The following MICAL3 variants were observed in gnomAD, a reference collection of about 807,000 sequenced individuals.
The protein encoded by MICAL3 is microtubule associated monooxygenase, calponin and LIM domain containing 3.
In MICAL3, 62 loss-of-function variants were observed where a neutral mutation model predicts 207.4. That is an observed-to-expected ratio of 0.30 (90% CI 0.24 to 0.37). MICAL3 has a LOEUF of 0.37. Among genes scored for constraint, MICAL3 ranks in the 10% least tolerant of loss-of-function variants. The probability of loss-of-function intolerance (pLI) is 1.00; values close to 1 mark genes in which losing one functional copy is unlikely to be tolerated. For synonymous variants in MICAL3, 1,077 were observed against 1,069.3 expected (o/e 1.01, Z -0.14); for missense variants, 2,368 against 2,635.6 (o/e 0.90, Z 2.22).
At chr22:17,891,761 T>C in intron 11 of MICAL3, 129 bp from the exon 12 acceptor site, 1 of 778,702 alleles carries the variant, frequency 1.3e-6, no homozygotes, top group Non-Finnish European at 2.1e-6. Context: ...TCAACACTAG[T>C]TTCCATGCAA....
At chr22:17,799,803 C>G (rs1194285730) in intron 29 of MICAL3, among the ~76,000 whole-genome samples, 1 of 152,148 alleles carries the variant, frequency 6.6e-6, no homozygotes, top group East Asian at 1.9e-4. Flanking sequence ...CTGGGAGACA[C>G]CTGGTGCTAC....
intron 2 of MICAL3, 61 bp downstream of exon 2, chr22:17,906,488 C>T (rs573974737): frequency 6.8e-6 from 11 of 1,611,326 alleles, no homozygotes; most frequent in East Asian, 4.5e-5. Flanking sequence ...AGATGCAAGA[C>T]GTTGTTGAGG....
chr22:18,014,379 T>C (rs1923926504), intron 1 of MICAL3, among the ~76,000 whole-genome samples: 1 of 152,184 alleles, frequency 6.6e-6, no homozygotes, highest in South Asian at 2.1e-4. Flanking sequence ...AGGAACTGTA[T>C]ATTAGGCCAT....
intron 9 of MICAL3, among the ~76,000 whole-genome samples, chr22:17,895,725 A>G (rs1930771661): frequency 6.6e-6 from 1 of 152,116 alleles, no homozygotes; most frequent in South Asian, 2.1e-4. Context: ...ATTTACTTCA[A>G]TTTTAAAGAA....
At chr22:18,023,641 G>T (rs911065605) in intron 1 of MICAL3, among the ~76,000 whole-genome samples, 2 of 152,198 alleles carry the variant, frequency 1.3e-5, no homozygotes, top group African/African-American at 4.8e-5. Context: ...TTCCAGGAGG[G>T]AATGAACTTG....
At position 17,863,177 on chromosome 22, in the gene MICAL3, A is replaced by G. The variant is rs1038491013; in HGVS notation, c.2605+1722T>C. 11 of 985,468 alleles carry G rather than the reference A, an allele frequency of 1.1e-5. No individual in the cohort carries two copies. The African/African-American group carries it at 1.9e-4, about 17-fold the overall frequency. The allele number at this position is 985,468 out of a possible 1,614,324, so 61.0% of individuals were successfully genotyped here. On this transcript the variant is annotated intron_variant, in intron 19 of 31. Transcript: ENST00000441493. ...AGAATGGCAACCTCGACCAGATGGG[A>G]AAGTCAGCAAACCTGGCGTCATTCA...
Position 17,895,487 on chromosome 22 carries a change from A to C in MICAL3, c.1323-77T>G, listed in dbSNP as rs1438276584. 4 of 1,537,984 alleles carry C rather than the reference A, an allele frequency of 2.6e-6. No homozygotes were observed. The African/African-American group carries it at 5.5e-5, about 21-fold the overall frequency. ...TCCCTCTCGTTTCATGATTGTTCTG[A>C]CAGCGCAGCAAGTCACCTGACATGC... On this transcript the variant is annotated intron_variant, in intron 9 of 31. Transcript: ENST00000441493.
rs188119316 is a variant in MICAL3 at position 17,796,147 on chromosome 22, C to A, written c.5651-4846G>T. ...CCCTCCTGAGCTCCCGAGCAGTGAG[C>A]GGGTCCTGGTCAGAGGACCCCTCCT... On this transcript the variant is annotated intron_variant, in intron 29 of 31. Transcript: ENST00000441493. This position sits in a 1 kb window ranked among gnomAD's most constrained non-coding sequence, Gnocchi z 4.4. Among the ~76,000 whole-genome samples, 5 of 152,348 alleles carry A rather than the reference C, an allele frequency of 3.3e-5. No homozygotes were observed. In the East Asian group the frequency reaches 7.7e-4, roughly 23 times the overall value.
At position 17,865,938 on chromosome 22, in the gene MICAL3, G is replaced by A; in HGVS notation, c.2503C>T (p.Pro835Ser). The change falls in exon 18 of 32, where the codon CCC becomes TCC. Residue 835 changes from proline (P) to serine (S), a missense_variant. By Grantham distance (74) the Pro-to-Ser change is moderately conservative (BLOSUM62 -1). Around this residue, in one of 4 missense-constraint regions of MICAL3, gnomAD observed 1,770 missense variants for 1,863.2 expected, o/e 0.95. Transcript: ENST00000441493. ...GTCACCATTACCTTTCCAGACAGGG[G>A]AGCCACTGCCGGTCTCTTCCTTTGT... ...YAQRKRPAVA[P>S]LSGKEAKGPL... 1 of 1,613,608 alleles carries A rather than the reference G, an allele frequency of 6.2e-7. No homozygotes were observed. Among genetic ancestry groups the A allele is most frequent in the Non-Finnish European group, 8.5e-7 (1 of 1,179,494 alleles).
chr22:17,793,054 C>T lies in MICAL3; in HGVS notation c.5651-1753G>A, dbSNP rs2061840645. Among the ~76,000 whole-genome samples, 1 of 152,188 alleles carries T rather than the reference C, an allele frequency of 6.6e-6. No individual in the cohort carries two copies. Among genetic ancestry groups the T allele is most frequent in the South Asian group, 2.1e-4 (1 of 4,830 alleles). On this transcript the variant is annotated intron_variant, in intron 29 of 31. Coordinates refer to ENST00000441493, the MANE Select transcript of MICAL3 (RefSeq NM_015241.3). The surrounding 1 kb of genome is among the most constrained non-coding windows in gnomAD (Gnocchi z 4.1). ...CCCCACGAAGATACAGAAAATGCCA[C>T]CGGAGACGTGCGGACAGCGCTCACT...
At chr22:17,823,760 GA>G (rs1569081496) in intron 22 of MICAL3, among the ~76,000 whole-genome samples, 1 of 152,052 alleles carries the variant, frequency 6.6e-6, no homozygotes, top group Non-Finnish European at 1.5e-5. Flanking sequence ...TACAACATCC[GA>G]AAAAAATTCG....
chr22:17,874,595 G>T (rs1241882801), intron 16 of MICAL3, among the ~76,000 whole-genome samples: 1 of 152,238 alleles, frequency 6.6e-6, no homozygotes, highest in Non-Finnish European at 1.5e-5. Context: ...AAGCATCCCT[G>T]CAAGAGAGGT....
chr22:17,877,270 T>C (rs1271054255), intron 16 of MICAL3, among the ~76,000 whole-genome samples: 1 of 57,630 alleles, frequency 1.7e-5, no homozygotes. Context: ...AGGGAAGTTA[T>C]GGAGGTTAGG....
intron 1 of MICAL3, among the ~76,000 whole-genome samples, chr22:17,934,732 C>T (rs1170590481): frequency 6.6e-6 from 1 of 152,124 alleles, no homozygotes; most frequent in Non-Finnish European, 1.5e-5. Flanking sequence ...CCCAAATCTC[C>T]TTAAGCTGAT....
intron 1 of MICAL3, among the ~76,000 whole-genome samples, chr22:18,021,817 T>C (rs1924495685): frequency 6.6e-6 from 1 of 152,130 alleles, no homozygotes; most frequent in African/African-American, 2.4e-5. Flanking sequence ...ATTGGGTGGG[T>C]TGTGTATGCT....
intron 27 of MICAL3, 168 bp from the exon 28 acceptor site, chr22:17,810,981 G>T (rs1331556566): frequency 6.8e-6 from 4 of 584,806 alleles, no homozygotes; most frequent in Non-Finnish European, 9.2e-6. Context: ...CAGGACGGGG[G>T]TGCTGATAGG....
At chr22:17,895,519 A>G (rs1930752975) in intron 9 of MICAL3, 109 bp from the exon 10 acceptor site, 2 of 1,273,496 alleles carry the variant, frequency 1.6e-6, no homozygotes. Flanking sequence ...ATGCCTGACA[A>G]ATCCTCATCC....
intron 8 of MICAL3, 131 bp downstream of exon 8, chr22:17,896,593 G>GT: frequency 1.0e-6 from 1 of 967,526 alleles, no homozygotes; most frequent in East Asian, 2.6e-5. Flanking sequence ...CTACTTCCTG[G>GT]TGTGACTCCT....
intron 28 of MICAL3, among the ~76,000 whole-genome samples, chr22:17,810,273 C>A (rs533185554): frequency 1.4e-4 from 21 of 152,128 alleles, no homozygotes; most frequent in Non-Finnish European, 2.8e-4. Flanking sequence ...CCGTGTTAGC[C>A]AGGATGGTCT....
Sources: gnomAD v4.1 joint callset for allele counts (sites outside exome capture counted in the v4.1 genomes callset) on GRCh38, gnomAD v4.1.1 for gene constraint, gnomAD v4.1.1 regional missense constraint, Gnocchi (gnomAD v3.1) non-coding constraint, MANE v1.5 for transcripts, NCBI Gene and HGNC (gene_info 2026-07-23, HGNC 2026-07-21) for gene names.